HECW2: variants seen among roughly 807,000 people sequenced by gnomAD.
HECW2 encodes the protein HECT, C2 and WW domain containing E3 ubiquitin protein ligase 2.
Under a neutral mutation model 175.2 loss-of-function variants are expected in HECW2, and 61 were observed. The observed-to-expected ratio is 0.35, with a 90% CI of 0.28 to 0.43. The LOEUF (loss-of-function observed/expected upper bound fraction) is 0.43. HECW2 is among the 20% of genes least tolerant of loss of function. The pLI is 1.00. For missense variants in HECW2, 1,524 were observed against 2,000.5 expected (o/e 0.76, Z 4.54); for synonymous variants, 671 against 731.0 (o/e 0.92, Z 1.32).
chr2:196,454,249 T>A (rs1002487189), intron 1 of HECW2, among the ~76,000 whole-genome samples: 2 of 152,196 alleles, frequency 1.3e-5, no homozygotes, highest in Non-Finnish European at 2.9e-5. Context: ...TATAGTTACT[T>A]TAATGTATAG....
chr2:196,403,052 C>T (rs1037530143), intron 2 of HECW2, among the ~76,000 whole-genome samples: 3 of 152,068 alleles, frequency 2.0e-5, no homozygotes, highest in African/African-American at 4.8e-5. Context: ...GGTGATCCGC[C>T]CACCTTGGCC....
At chr2:196,568,186 A>G (rs865833569) in intron 1 of HECW2, among the ~76,000 whole-genome samples, 6 of 152,322 alleles carry the variant, frequency 3.9e-5, no homozygotes, top group Middle Eastern at 6.8e-3. Context: ...CTTTTTAAAA[A>G]TTTGGGAAAA....
At chr2:196,252,437 G>T (rs1292236533) in intron 19 of HECW2, among the ~76,000 whole-genome samples, 1 of 151,978 alleles carries the variant, frequency 6.6e-6, no homozygotes, top group African/African-American at 2.4e-5. Context: ...CCTTGTGGGG[G>T]GTGTTTGGAT....
At chr2:196,262,891 A>G (rs1689359740) in intron 17 of HECW2, among the ~76,000 whole-genome samples, 1 of 152,180 alleles carries the variant, frequency 6.6e-6, no homozygotes, top group South Asian at 2.1e-4. Context: ...CCCCAAGTAC[A>G]AAACACTTTT....
At chr2:196,239,739 G>GA (rs1365351464) in intron 21 of HECW2, 1 of 152,238 alleles carries the variant, frequency 6.6e-6, no homozygotes, top group Non-Finnish European at 1.5e-5. Flanking sequence ...GTCTGGGAGG[G>GA]ATGACAGCTG....
chr2:196,498,401 T>C (rs2125398433), intron 1 of HECW2, among the ~76,000 whole-genome samples: 1 of 152,330 alleles, frequency 6.6e-6, no homozygotes. Context: ...TGCAGTATCA[T>C]GGTGAACATC....
intron 10 of HECW2, chr2:196,316,284 T>C (rs774874444): frequency 6.6e-6 from 1 of 152,242 alleles, no homozygotes; most frequent in Non-Finnish European, 1.5e-5. Flanking sequence ...AAACTCTTCA[T>C]AGTACCATTC....
chr2:196,480,025 T>C (rs1686787852), intron 1 of HECW2, among the ~76,000 whole-genome samples: 1 of 152,196 alleles, frequency 6.6e-6, no homozygotes, highest in South Asian at 2.1e-4. Context: ...CTCCATTGTC[T>C]TTCCTGGCAC....
In HECW2 at chr2:196,201,084, A is replaced by G. The variant is rs183993655; in HGVS notation, c.*193T>C. The G allele has an allele frequency of 3.7e-6, 2 of 540,806 alleles. No homozygotes were observed. The highest frequency in any genetic ancestry group is 3.1e-5 in the Admixed American group (1 of 32,686). The allele number at this position is 540,806 out of a possible 1,614,324, so 33.5% of individuals were successfully genotyped here. ...CGGTTGGGTTGTTCCCTGGGCATCA[A>G]GCTCACCCAAATCCTTCCAAGAGGA... On this transcript the variant is annotated 3_prime_UTR_variant, in exon 29 of 29. Coordinates refer to ENST00000644978, the MANE Select transcript of HECW2 (RefSeq NM_001348768.2).
At chr2:196,285,867 G>C (rs891190176) in intron 14 of HECW2, among the ~76,000 whole-genome samples, 3 of 152,200 alleles carry the variant, frequency 2.0e-5, no homozygotes, top group Admixed American at 6.5e-5. Flanking sequence ...TAACTGCTAT[G>C]ACTGCAGCTC....
At position 196,256,310 on chromosome 2, in the gene HECW2, A is replaced by G. The variant is rs188938061; in HGVS notation, c.3419+1513T>C. Among the ~76,000 whole-genome samples, 9 of 152,292 alleles carry G rather than the reference A, an allele frequency of 5.9e-5. No homozygotes were observed. The East Asian group carries it at 1.3e-3, about 23-fold the overall frequency. On this transcript the variant is annotated intron_variant, in intron 18 of 28. Coordinates refer to ENST00000644978, the MANE Select transcript of HECW2 (RefSeq NM_001348768.2). ...ATTTCTCACACTTCTCCAAAGGCCC[A>G]TTAGCTTTACAGAACCTGCTTATTT... is the stretch of plus-strand genomic sequence containing the variant.
chr2:196,401,594 A>G (rs1694818063), intron 2 of HECW2, among the ~76,000 whole-genome samples: 1 of 152,226 alleles, frequency 6.6e-6, no homozygotes, highest in Non-Finnish European at 1.5e-5. Context: ...TTTTTGTCAA[A>G]TATTTCAAAA....
intron 2 of HECW2, among the ~76,000 whole-genome samples, chr2:196,420,742 G>C (rs1695386112): frequency 6.6e-6 from 1 of 151,702 alleles, no homozygotes; most frequent in Non-Finnish European, 1.5e-5. Context: ...AGATAAGTCA[G>C]TTCTTTTTTT....
chr2:196,313,866 A>G (rs1337933501), intron 10 of HECW2, among the ~76,000 whole-genome samples: 1 of 152,204 alleles, frequency 6.6e-6, no homozygotes, highest in Non-Finnish European at 1.5e-5. Context: ...AGCCCTGGCA[A>G]CATAGTTAGA....
At position 196,254,167 on chromosome 2, in the gene HECW2, T is replaced by G. The variant is rs1237227382; in HGVS notation, c.3420-138A>C. On this transcript the variant is annotated intron_variant, in intron 18 of 28. Transcript: ENST00000644978. The stretch of plus-strand genomic sequence containing the variant: ...GCATCCGCCCCCTTTCTCTTGCAGG[T>G]AATTCTTGGTACAAAATGGCTGGCT... 4 of 1,345,864 alleles carry G rather than the reference T, an allele frequency of 3.0e-6. No homozygotes were observed. In the African/African-American group the frequency reaches 5.8e-5, roughly 20 times the overall value. 83.4% of individuals were successfully genotyped at this position (1,345,864 alleles called of 1,614,324 possible).
intron 1 of HECW2, among the ~76,000 whole-genome samples, chr2:196,444,187 A>G (rs528765092): frequency 3.8e-4 from 58 of 152,250 alleles, no homozygotes; most frequent in Non-Finnish European, 6.9e-4. Flanking sequence ...AATACATCTC[A>G]AAACATTACC....
rs530194037 is a variant in HECW2, at chr2:196,299,279, C to T, written c.2815-6529G>A. Among the ~76,000 whole-genome samples the T allele has an allele frequency of 9.9e-5, 15 of 151,110 alleles. No homozygotes were observed. In the South Asian group the frequency reaches 2.9e-3, roughly 29 times the overall value. ...CAGCAAAATAAATTCTAAAATCATG[C>T]CCAACTAAAGAAAAAGGAAACACGA... is the stretch of plus-strand genomic sequence containing the variant. On this transcript the variant is annotated intron_variant, in intron 13 of 28. Transcript: ENST00000644978.
intron 1 of HECW2, among the ~76,000 whole-genome samples, chr2:196,443,424 T>C (rs761803603): frequency 3.9e-5 from 6 of 152,180 alleles, no homozygotes; most frequent in Non-Finnish European, 7.3e-5. Context: ...ACAGGATAGA[T>C]TGTGATGAGC....
chr2:196,381,572 A>T (rs1694208187), intron 2 of HECW2, among the ~76,000 whole-genome samples: 1 of 152,166 alleles, frequency 6.6e-6, no homozygotes, highest in South Asian at 2.1e-4. Context: ...ATAATAAATA[A>T]AAGTAGACGA....
Sources: allele counts gnomAD v4.1 joint callset (sites outside exome capture counted in the v4.1 genomes callset), GRCh38; gene constraint gnomAD v4.1.1; transcripts MANE v1.5; gene names NCBI Gene and HGNC (gene_info 2026-07-23, HGNC 2026-07-21).